The following ATRNL1 variants were observed in gnomAD, a reference collection of about 807,000 sequenced individuals.
The protein encoded by ATRNL1 is attractin-like protein 1.
In ATRNL1, 95 loss-of-function variants were observed where a neutral mutation model predicts 182.7. That is an observed-to-expected ratio of 0.52 (90% CI 0.44 to 0.62). The LOEUF is 0.62. Among genes scored for constraint, ATRNL1 ranks in the 20% least tolerant of loss-of-function variants. ATRNL1 has a pLI of 0.00. For synonymous variants in ATRNL1, 576 were observed against 568.3 expected, an observed-to-expected ratio of 1.01 and a Z score of -0.19; for missense variants, 1,471 against 1,679.5, an observed-to-expected ratio of 0.88 and a Z score of 2.17.
At chr10:115,425,703 G>C (rs1845852478) in intron 20 of ATRNL1, among the ~76,000 whole-genome samples, 1 of 151,920 alleles carries the variant, frequency 6.6e-6, no homozygotes, top group Non-Finnish European at 1.5e-5. Context: ...AATTTTGTTT[G>C]GGTTAGAGAA....
At chr10:115,646,036 TAC>T (rs58679995) in intron 26 of ATRNL1, among the ~76,000 whole-genome samples, 5,167 of 141,620 alleles carry the variant, frequency 0.036, 250 homozygotes, top group African/African-American at 0.12. Context: ...TTTTAAAATT[TAC>T]ACACACACAC....
At chr10:115,926,980 C>G (rs1237057429) in intron 28 of ATRNL1, among the ~76,000 whole-genome samples, 1 of 152,074 alleles carries the variant, frequency 6.6e-6, no homozygotes, top group Non-Finnish European at 1.5e-5. Flanking sequence ...AAAATTTAGG[C>G]CAATATCACT....
chr10:115,946,949 A>G lies in ATRNL1; in HGVS notation c.*2170A>G, dbSNP rs993113254. 1 of 152,430 alleles carries G rather than the reference A, an allele frequency of 6.6e-6. No individual in the cohort carries two copies. The highest frequency in any genetic ancestry group is 1.5e-5 in the Non-Finnish European group (1 of 68,038). 9.4% of individuals were successfully genotyped at this position (152,430 alleles called of 1,614,324 possible). ...GCTAAGCAGATAGTATTACTGTGGAAGAATTATCAAGTTTTATTCACCTCA... is the reference window on the plus strand; with the variant it reads ...GCTAAGCAGATAGTATTACTGTGGAGGAATTATCAAGTTTTATTCACCTCA... On this transcript the variant is annotated 3_prime_UTR_variant, in exon 29 of 29. Coordinates refer to ENST00000355044, the MANE Select transcript of ATRNL1 (RefSeq NM_207303.4).
intron 9 of ATRNL1, among the ~76,000 whole-genome samples, chr10:115,230,919 G>GAGAGAGAA (rs1849918070): frequency 1.7e-5 from 2 of 120,834 alleles, no homozygotes; most frequent in African/African-American, 6.0e-5. Context: ...GAGAGAGAGA[G>GAGAGAGAA]AGAAAGAGAG....
At chr10:115,577,977 T>G (rs1854828541) in intron 26 of ATRNL1, among the ~76,000 whole-genome samples, 1 of 151,816 alleles carries the variant, frequency 6.6e-6, no homozygotes, top group African/African-American at 2.4e-5. Context: ...ATACTGAACT[T>G]TGTCAAATGC....
chr10:115,285,257 C>T (rs1323738557), intron 14 of ATRNL1, among the ~76,000 whole-genome samples: 8 of 151,966 alleles, frequency 5.3e-5, no homozygotes, highest in Admixed American at 3.3e-4. Context: ...AATTTTAAAA[C>T]GCTCCAAATC....
intron 27 of ATRNL1, among the ~76,000 whole-genome samples, chr10:115,782,456 T>A (rs77231690): frequency 0.019 from 2,853 of 152,330 alleles, 102 homozygotes; most frequent in African/African-American, 0.066. Context: ...CAATCACAAC[T>A]TGACATTTTG....
intron 28 of ATRNL1, among the ~76,000 whole-genome samples, chr10:115,922,548 C>A (rs1953097522): frequency 2.0e-5 from 3 of 152,100 alleles, no homozygotes; most frequent in Admixed American, 2.0e-4. Context: ...CTCACTGCAG[C>A]CTCAAACTCT....
chr10:115,594,082 T>C (rs1856081040), intron 26 of ATRNL1, among the ~76,000 whole-genome samples: 1 of 152,098 alleles, frequency 6.6e-6, no homozygotes, highest in Non-Finnish European at 1.5e-5. Flanking sequence ...ATTTCTTTTA[T>C]TGATTCAGAA....
intron 18 of ATRNL1, among the ~76,000 whole-genome samples, chr10:115,330,367 G>T (rs1855146899): frequency 6.6e-6 from 1 of 151,956 alleles, no homozygotes; most frequent in Non-Finnish European, 1.5e-5. Context: ...ATTTTTACCT[G>T]TCAGTTTTAT....
chr10:115,907,759 A>G (rs540153565), intron 28 of ATRNL1, among the ~76,000 whole-genome samples: 7 of 152,088 alleles, frequency 4.6e-5, no homozygotes, highest in Middle Eastern at 3.4e-3. Context: ...ATTTTATAAT[A>G]AAATGTTATA....
chr10:115,654,802 A>G (rs1860232760), intron 26 of ATRNL1, among the ~76,000 whole-genome samples: 1 of 152,144 alleles, frequency 6.6e-6, no homozygotes, highest in Non-Finnish European at 1.5e-5. Flanking sequence ...GAAAGGTGAC[A>G]TTTATGTCCC....
At chr10:115,513,332 A>G (rs1185449059) in intron 24 of ATRNL1, among the ~76,000 whole-genome samples, 1 of 152,014 alleles carries the variant, frequency 6.6e-6, no homozygotes, top group Non-Finnish European at 1.5e-5. Context: ...GATGTTAAAA[A>G]GCGATTTCTT....
intron 25 of ATRNL1, among the ~76,000 whole-genome samples, chr10:115,521,972 G>A (rs1188521231): frequency 3.3e-5 from 5 of 152,168 alleles, no homozygotes; most frequent in Admixed American, 1.3e-4. Flanking sequence ...TGGTAACAGA[G>A]CTGAGTGCGT....
At chr10:115,678,780 A>G (rs1403350444) in intron 26 of ATRNL1, among the ~76,000 whole-genome samples, 2 of 152,090 alleles carry the variant, frequency 1.3e-5, no homozygotes, top group African/African-American at 4.8e-5. Context: ...AGCAAGGGAG[A>G]ACAAACCAAA....
At chr10:115,510,717 T>C (rs1045391408) in intron 24 of ATRNL1, among the ~76,000 whole-genome samples, 4 of 152,040 alleles carry the variant, frequency 2.6e-5, no homozygotes, top group Non-Finnish European at 5.9e-5. Flanking sequence ...AACATATGCC[T>C]GTACTGTTAT....
intron 20 of ATRNL1, among the ~76,000 whole-genome samples, chr10:115,412,222 G>T (rs1554960070): frequency 6.6e-6 from 1 of 152,134 alleles, no homozygotes; most frequent in Non-Finnish European, 1.5e-5. Context: ...ATAGCCACCA[G>T]CCAATAGCAA....
intron 24 of ATRNL1, among the ~76,000 whole-genome samples, chr10:115,470,535 G>T (rs1282224310): frequency 6.7e-6 from 1 of 150,248 alleles, no homozygotes; most frequent in African/African-American, 2.4e-5. Flanking sequence ...TTCATCTATA[G>T]CACTTAGTAA....
chr10:115,277,743 T>G (rs1208844833), intron 13 of ATRNL1, among the ~76,000 whole-genome samples: 1 of 152,184 alleles, frequency 6.6e-6, no homozygotes, highest in Non-Finnish European at 1.5e-5. Context: ...GTGAATTATC[T>G]GAACCTGGGT....
Sources: allele counts gnomAD v4.1 joint callset (sites outside exome capture counted in the v4.1 genomes callset), GRCh38; gene constraint gnomAD v4.1.1; transcripts MANE v1.5; gene names NCBI Gene and HGNC (gene_info 2026-07-23, HGNC 2026-07-21).